PUM1: variants seen among roughly 807,000 people sequenced by gnomAD.
PUM1 encodes pumilio RNA binding family member 1.
A neutral mutation model predicts 131.8 loss-of-function variants in PUM1; 13 were observed. The ratio of observed to expected loss-of-function variants is 0.10; its 90% CI spans 0.06 to 0.16. The LOEUF is 0.16. Among genes scored for constraint, PUM1 ranks in the 10% least tolerant of loss-of-function variants. The pLI is 1.00. For missense variants in PUM1, 961 were observed against 1,512.4 expected, an observed-to-expected ratio of 0.64 and a Z score of 6.05; for synonymous variants, 509 against 556.5, an observed-to-expected ratio of 0.91 and a Z score of 1.20.
chr1:30,963,617 T>C (rs746452619), intron 14 of PUM1, among the ~76,000 whole-genome samples: 1 of 152,246 alleles, frequency 6.6e-6, no homozygotes, highest in South Asian at 2.1e-4. Context: ...AATCACTTTC[T>C]AGTCTGCCTA....
At chr1:31,040,532 T>C (rs1643781775) in intron 2 of PUM1, among the ~76,000 whole-genome samples, 2 of 152,118 alleles carry the variant, frequency 1.3e-5, no homozygotes, top group South Asian at 4.2e-4. Flanking sequence ...ACTATAAAAA[T>C]AGGATGGGTA....
chr1:31,001,912 T>C (rs1642230655), intron 5 of PUM1, among the ~76,000 whole-genome samples: 1 of 152,166 alleles, frequency 6.6e-6, no homozygotes, highest in South Asian at 2.1e-4. Context: ...ATCATCTGGG[T>C]AGTCTTGTCA....
chr1:31,036,041 TAA>T (rs1643599798), intron 2 of PUM1, among the ~76,000 whole-genome samples: 1 of 151,902 alleles, frequency 6.6e-6, no homozygotes, highest in Non-Finnish European at 1.5e-5. Flanking sequence ...CAAAATCATG[TAA>T]CTGATAAAGA....
At chr1:31,007,196 G>A (rs764606618) in intron 3 of PUM1, 94 bp from the exon 4 acceptor site, 2 of 874,596 alleles carry the variant, frequency 2.3e-6, no homozygotes, top group Non-Finnish European at 3.7e-6. Context: ...TACTGAAGAT[G>A]CTCACGTGCC....
intron 10 of PUM1, chr1:30,973,122 A>C (rs1176741425): frequency 1.1e-5 from 2 of 177,870 alleles, no homozygotes; most frequent in African/African-American, 2.4e-5. Context: ...CTGTCAACAA[A>C]TTATTTACTG....
intron 2 of PUM1, among the ~76,000 whole-genome samples, chr1:31,043,752 A>T (rs1049785884): frequency 6.6e-6 from 1 of 152,198 alleles, no homozygotes; most frequent in African/African-American, 2.4e-5. Flanking sequence ...TTACAGTGTT[A>T]GCCTCCAAAT....
At chr1:30,983,761 T>C (rs1407402619) in intron 7 of PUM1, among the ~76,000 whole-genome samples, 1 of 140,934 alleles carries the variant, frequency 7.1e-6, no homozygotes, top group East Asian at 3.7e-4. Context: ...GCCTGGCATT[T>C]TTTTTTTTTT....
intron 5 of PUM1, among the ~76,000 whole-genome samples, chr1:31,001,141 G>A (rs1023184510): frequency 2.6e-5 from 4 of 151,934 alleles, no homozygotes; most frequent in Non-Finnish European, 4.4e-5. Context: ...CCGAGATTGC[G>A]CCACTGCGCT....
rs1459880823 is a variant in PUM1, at chr1:30,968,431, T to A, written c.1568A>T (p.Gln523Leu). 2.5e-6 allele frequency: 4 copies of A among 1,599,206 alleles called. No homozygotes were observed. The highest frequency in any genetic ancestry group is 3.4e-6 in the Non-Finnish European group (4 of 1,175,430). Residue 523 changes from glutamine (Q) to leucine (L), a missense_variant, in exon 11 of 22, where the codon CAA (glutamine) becomes CTA (leucine). Gln to Leu is a moderately radical substitution (Grantham distance 113). Coordinates refer to ENST00000426105, the MANE Select transcript of PUM1 (RefSeq NM_001020658.2). ...LTPNQNQQGQQTDPLVAAAAV... is the reference protein window; with the variant it reads ...LTPNQNQQGQLTDPLVAAAAV... ...TGCAGCTGCCACAAGGGGATCCGTT[T>A]GCTGTCCCTGCTGGTTCTGGTTTGG...
chr1:31,020,980 A>G (rs1642999646), intron 3 of PUM1, among the ~76,000 whole-genome samples: 1 of 152,222 alleles, frequency 6.6e-6, no homozygotes. Context: ...CAATGGAACA[A>G]AAGTAATTCT....
At chr1:30,945,079 T>G (rs1248416570) in intron 18 of PUM1, among the ~76,000 whole-genome samples, 1 of 151,926 alleles carries the variant, frequency 6.6e-6, no homozygotes, top group African/African-American at 2.4e-5. Context: ...ACAAAAAATT[T>G]AAAAATGAGC....
chr1:31,033,738 TA>T (rs1460918595), intron 2 of PUM1, among the ~76,000 whole-genome samples: 2 of 152,100 alleles, frequency 1.3e-5, no homozygotes, highest in East Asian at 3.9e-4. Flanking sequence ...CACAGCTCAC[TA>T]CAGCCTCAAA....
intron 1 of PUM1, among the ~76,000 whole-genome samples, chr1:31,064,361 G>A (rs1234754698): frequency 6.6e-6 from 1 of 152,156 alleles, no homozygotes; most frequent in African/African-American, 2.4e-5. Context: ...AATCCGGAGA[G>A]CGTTTCCCAA....
At chr1:30,952,459 C>G in intron 15 of PUM1, 96 bp from the exon 16 acceptor site, 1 of 1,576,404 alleles carries the variant, frequency 6.3e-7, no homozygotes, top group Non-Finnish European at 8.7e-7. Context: ...CGTTCTGAAA[C>G]ATGTGAGTGA....
At chr1:30,995,366 C>A in intron 5 of PUM1, 146 bp from the exon 6 acceptor site, 1 of 865,132 alleles carries the variant, frequency 1.2e-6, no homozygotes, top group South Asian at 1.7e-5. Flanking sequence ...TAACAAACAA[C>A]ACAGAGGCAG....
intron 3 of PUM1, among the ~76,000 whole-genome samples, chr1:31,014,227 G>C (rs1642725415): frequency 6.7e-6 from 1 of 149,676 alleles, no homozygotes; most frequent in South Asian, 2.1e-4. Flanking sequence ...CCTGAGCCCA[G>C]GAGGTCAAGG....
intron 7 of PUM1, chr1:30,982,271 T>C (rs1276418727): frequency 6.6e-6 from 1 of 152,146 alleles, no homozygotes; most frequent in Non-Finnish European, 1.5e-5. Context: ...ATTCAACAAA[T>C]ATTTATGAAA....
chr1:31,054,092 T>TAAAAA (rs1290627996), intron 2 of PUM1, among the ~76,000 whole-genome samples: 1 of 33,838 alleles, frequency 3.0e-5, no homozygotes, highest in Non-Finnish European at 5.4e-5. Flanking sequence ...AGACTTTATT[T>TAAAAA]CAAAAAAAAA....
intron 7 of PUM1, among the ~76,000 whole-genome samples, chr1:30,986,532 A>T (rs1641566518): frequency 6.6e-6 from 1 of 152,070 alleles, no homozygotes; most frequent in Non-Finnish European, 1.5e-5. Flanking sequence ...GCGCATACAA[A>T]TTAAACCATG....
Sources: allele counts gnomAD v4.1 joint callset (sites outside exome capture counted in the v4.1 genomes callset), GRCh38; gene constraint gnomAD v4.1.1; transcripts MANE v1.5; gene names NCBI Gene and HGNC (gene_info 2026-07-23, HGNC 2026-07-21).